The following KCND2 variants were observed in gnomAD, a reference collection of about 807,000 sequenced individuals.
The protein encoded by KCND2 is A-type voltage-gated potassium channel KCND2.
KCND2 carries 16 observed loss-of-function variants against 54.4 expected under a neutral mutation model. That is an observed-to-expected ratio of 0.29 (90% CI 0.20 to 0.45). The LOEUF (loss-of-function observed/expected upper bound fraction) is 0.45. Among genes scored for constraint, KCND2 ranks in the 20% least tolerant of loss-of-function variants. The pLI is 1.00. For synonymous variants in KCND2, 317 were observed against 310.7 expected, an observed-to-expected ratio of 1.02 and a Z score of -0.21; for missense variants, 486 against 824.2, an observed-to-expected ratio of 0.59 and a Z score of 5.02.
At chr7:120,392,234 G>A (rs1801090090) in intron 1 of KCND2, among the ~76,000 whole-genome samples, 1 of 151,974 alleles carries the variant, frequency 6.6e-6, no homozygotes, top group Admixed American at 6.6e-5. Context: ...TAGATGTGTG[G>A]TGTTATTTCC....
At chr7:120,689,447 T>C (rs1247863506) in intron 1 of KCND2, among the ~76,000 whole-genome samples, 1 of 152,206 alleles carries the variant, frequency 6.6e-6, no homozygotes, top group Non-Finnish European at 1.5e-5. Flanking sequence ...ATTTCATAGA[T>C]TGCTTTCCTT....
chr7:120,432,408 C>T (rs1289133751), intron 1 of KCND2, among the ~76,000 whole-genome samples: 2 of 152,066 alleles, frequency 1.3e-5, no homozygotes, highest in Non-Finnish European at 2.9e-5. Flanking sequence ...ATTTGTCTAG[C>T]ATTGTGTGGA....
Position 120,462,084 on chromosome 7 carries a change from C to T in KCND2, c.1115+186337C>T, listed in dbSNP as rs772289767. On this transcript the variant is annotated intron_variant, in intron 1 of 5. Transcript: ENST00000331113. ...TGCTAACAGGTTTTTAGTATTATAT[C>T]TCTCTTTAGTGTTGTATTAGTATCT... 5.3e-5 allele frequency among the ~76,000 whole-genome samples: 8 copies of T among 152,136 alleles called. 1 individual carries two copies. The highest frequency in any genetic ancestry group is 1.0e-4 in the Non-Finnish European group (7 of 67,960).
chr7:120,427,969 G>A (rs897319290), intron 1 of KCND2, among the ~76,000 whole-genome samples: 1 of 152,012 alleles, frequency 6.6e-6, no homozygotes, highest in African/African-American at 2.4e-5. Context: ...AGTAAATCTG[G>A]CAAACTCTAG....
rs907224618 is a variant in KCND2, at chr7:120,556,768, A to G, written c.1116-176135A>G. 3.9e-5 allele frequency among the ~76,000 whole-genome samples: 6 copies of G among 152,210 alleles called. 1 individual carries two copies. The highest frequency in any genetic ancestry group is 3.9e-4 in the Admixed American group (6 of 15,284). On this transcript the variant is annotated intron_variant, in intron 1 of 5. Transcript: ENST00000331113. ...AAATATGTACCTGCAAATGACCTAG[A>G]CTTACAATATTAATAACAGATTTAC...
chr7:120,738,899 C>T (rs1255185741), intron 2 of KCND2, among the ~76,000 whole-genome samples: 1 of 151,772 alleles, frequency 6.6e-6, no homozygotes, highest in East Asian at 1.9e-4. Flanking sequence ...TGTTGTGGTG[C>T]TCCGCAAGAC....
chr7:120,353,666 C>T (rs1398247900), intron 1 of KCND2, among the ~76,000 whole-genome samples: 1 of 152,080 alleles, frequency 6.6e-6, no homozygotes, highest in Non-Finnish European at 1.5e-5. Flanking sequence ...GGGTCTATAG[C>T]TCAAGAAAGG....
chr7:120,679,876 G>A (rs1031144245), intron 1 of KCND2, among the ~76,000 whole-genome samples: 1 of 151,970 alleles, frequency 6.6e-6, no homozygotes, highest in Non-Finnish European at 1.5e-5. Flanking sequence ...ATTTAAACAC[G>A]CATTGCTCTG....
intron 1 of KCND2, among the ~76,000 whole-genome samples, chr7:120,306,344 T>C (rs896783872): frequency 1.3e-5 from 2 of 152,126 alleles, no homozygotes; most frequent in African/African-American, 4.8e-5. Context: ...TTAAAACTGA[T>C]ATTTTTGAAC....
Position 120,274,828 on chromosome 7 carries a change from C to T in KCND2, c.196C>T (p.Leu66=). The change falls in exon 1 of 6, where the codon CTA becomes TTA. Residue 66 remains leucine (L), a synonymous_variant. Coordinates refer to ENST00000331113, the MANE Select transcript of KCND2 (RefSeq NM_012281.3). ...QDTLERYPDT[L]LGSSERDFFY... is the part of the protein sequence containing the mutation. ...CACCCTGGAACGTTACCCAGACACT[C>T]TACTGGGCAGTTCTGAGAGGGACTT... 1 of 1,614,124 alleles carries T rather than the reference C, an allele frequency of 6.2e-7. No individual in the cohort carries two copies. The highest frequency in any genetic ancestry group is 8.5e-7 in the Non-Finnish European group (1 of 1,180,002).
intron 1 of KCND2, among the ~76,000 whole-genome samples, chr7:120,309,452 C>CATATATATATATATATATATAT (rs61690032): frequency 2.0e-3 from 135 of 68,132 alleles, no homozygotes; most frequent in East Asian, 6.7e-3. Flanking sequence ...TAATAGAAAA[C>CATATATATATATATATATATAT]ATATATATAT....
intron 1 of KCND2, among the ~76,000 whole-genome samples, chr7:120,599,115 T>C (rs1289984457): frequency 1.3e-5 from 2 of 152,188 alleles, no homozygotes; most frequent in East Asian, 3.8e-4. Flanking sequence ...TGCACCTTTG[T>C]AGAAAATCAG....
chr7:120,575,315 T>A (rs1792417334), intron 1 of KCND2, among the ~76,000 whole-genome samples: 1 of 152,072 alleles, frequency 6.6e-6, no homozygotes, highest in African/African-American at 2.4e-5. Flanking sequence ...CTGGTGTAAG[T>A]CCTAGAGCCC....
intron 1 of KCND2, among the ~76,000 whole-genome samples, chr7:120,334,420 T>A (rs1276552762): frequency 6.6e-6 from 1 of 152,226 alleles, no homozygotes; most frequent in Non-Finnish European, 1.5e-5. Context: ...ATTTTTCTAA[T>A]AATTCTCATT....
rs574339878 is a variant in KCND2, at chr7:120,705,929, TC to T, written c.1116-26971del. Among the ~76,000 whole-genome samples, 667 of 152,200 alleles carry T rather than the reference TC, an allele frequency of 4.4e-3. 5 individuals carry two copies. Among genetic ancestry groups the T allele is most frequent in the African/African-American group, 0.015 (640 of 41,524 alleles). ...TCATTTCACCCCTAATGTCCCCAGC[TC>T]CCTGAACTCCTTTCTGTCTCTCTTC... On this transcript the variant is annotated intron_variant, in intron 1 of 5. Coordinates refer to ENST00000331113, the MANE Select transcript of KCND2 (RefSeq NM_012281.3).
intron 1 of KCND2, among the ~76,000 whole-genome samples, chr7:120,709,192 C>T (rs911097938): frequency 4.6e-5 from 7 of 152,112 alleles, no homozygotes; most frequent in African/African-American, 1.7e-4. Flanking sequence ...CTTTCTTCCA[C>T]AGTTTTCTCT....
intron 1 of KCND2, among the ~76,000 whole-genome samples, chr7:120,364,362 A>C (rs1296708291): frequency 6.6e-6 from 1 of 152,158 alleles, no homozygotes; most frequent in Non-Finnish European, 1.5e-5. Context: ...AACTCCAGAG[A>C]AAAGCAGTGG....
At chr7:120,566,894 A>G (rs918004044) in intron 1 of KCND2, among the ~76,000 whole-genome samples, 7 of 152,028 alleles carry the variant, frequency 4.6e-5, no homozygotes, top group Non-Finnish European at 7.4e-5. Flanking sequence ...ATTTACGTTT[A>G]TACCTAAAAC....
chr7:120,512,908 C>A (rs1803141459), intron 1 of KCND2, among the ~76,000 whole-genome samples: 1 of 151,256 alleles, frequency 6.6e-6, no homozygotes, highest in South Asian at 2.1e-4. Flanking sequence ...CATTCCTGTG[C>A]CTCGGCCTCC....
Sources: gnomAD v4.1 joint callset for allele counts (sites outside exome capture counted in the v4.1 genomes callset) on GRCh38, gnomAD v4.1.1 for gene constraint, MANE v1.5 for transcripts, NCBI Gene and HGNC (gene_info 2026-07-23, HGNC 2026-07-21) for gene names.